Variants in PRKAR1B observed in about 807,000 individuals in gnomAD.
PRKAR1B encodes the protein protein kinase cAMP-dependent type I regulatory subunit beta.
Under a neutral mutation model 46.5 loss-of-function variants are expected in PRKAR1B, and 22 were observed. The observed-to-expected ratio is 0.47, with a 90% CI of 0.34 to 0.68. The LOEUF is 0.68. Among genes scored for constraint, PRKAR1B ranks in the 30% least tolerant of loss-of-function variants. PRKAR1B has a pLI of 0.01. For missense variants in PRKAR1B, 445 were observed against 535.6 expected (o/e 0.83, Z 1.67); for synonymous variants, 259 against 217.7 (o/e 1.19, Z -1.67).
chr7:630,586 G>T (rs940160356), intron 4 of PRKAR1B, among the ~76,000 whole-genome samples: 4 of 152,228 alleles, frequency 2.6e-5, no homozygotes, highest in Admixed American at 6.5e-5. Context: ...TCTAAGTGAA[G>T]AGACATAGCT....
At chr7:643,458 C>T (rs1025896260) in intron 4 of PRKAR1B, among the ~76,000 whole-genome samples, 1 of 151,574 alleles carries the variant, frequency 6.6e-6, no homozygotes, top group African/African-American at 2.4e-5. Context: ...CACAGTGGCT[C>T]ATGCCTGTAA....
At chr7:660,614 C>T (rs1785466957) in intron 4 of PRKAR1B, among the ~76,000 whole-genome samples, 1 of 109,362 alleles carries the variant, frequency 9.1e-6, no homozygotes, top group Non-Finnish European at 1.8e-5. Flanking sequence ...ATTACCTACT[C>T]TCCCCCCCAT....
Position 607,377 on chromosome 7 carries a change from C to T in PRKAR1B, c.502+14G>A, listed in dbSNP as rs368437414. ...CCCTCTGGACTTTGGCTCCGAGGAGCAGGCAGAACGTACCTTGCTGTATAA... is the reference window on the plus strand; with the variant it reads ...CCCTCTGGACTTTGGCTCCGAGGAGTAGGCAGAACGTACCTTGCTGTATAA... On this transcript the variant is annotated intron_variant, in intron 5 of 10. Transcript: ENST00000537384. The T allele has an allele frequency of 6.2e-7, 1 of 1,611,060 alleles. No individual in the cohort carries two copies. Among genetic ancestry groups the T allele is most frequent in the Middle Eastern group, 1.7e-4 (1 of 6,014 alleles).
At position 688,763 on chromosome 7, in the gene PRKAR1B, T is replaced by C. The variant is rs527343293; in HGVS notation, c.178-8037A>G. On this transcript the variant is annotated intron_variant, in intron 2 of 10. Coordinates refer to ENST00000537384, the MANE Select transcript of PRKAR1B (RefSeq NM_001164760.2). The stretch of plus-strand genomic sequence containing the variant: ...TGCGGTCCTCTCAGCAGTTACGTAT[T>C]GCTGTGAGCAGCAATCTCACAGTTA... Among the ~76,000 whole-genome samples, 32 of 152,290 alleles carry C rather than the reference T, an allele frequency of 2.1e-4. No individual in the cohort carries two copies. The East Asian group carries it at 5.6e-3, about 27-fold the overall frequency.
At chr7:605,226 C>T (rs1483742044) in intron 6 of PRKAR1B, among the ~76,000 whole-genome samples, 1 of 152,248 alleles carries the variant, frequency 6.6e-6, no homozygotes, top group Admixed American at 6.5e-5. Flanking sequence ...GATGATGTCA[C>T]TGAGGTCCTT....
intron 5 of PRKAR1B, 135 bp downstream of exon 5, chr7:607,248 AGGTGATCT>A (rs1782141738): frequency 3.1e-6 from 2 of 653,952 alleles, no homozygotes; most frequent in Non-Finnish European, 5.1e-6. Context: ...CCCTGACCTC[AGGTGATCT>A]GCCCACCTCA....
intron 4 of PRKAR1B, among the ~76,000 whole-genome samples, chr7:661,477 A>C (rs13233618): frequency 0.024 from 865 of 35,874 alleles, no homozygotes; most frequent in South Asian, 0.055. Flanking sequence ...GTTCCCCACC[A>C]CAACGGGTCC....
At chr7:627,031 C>T (rs957620842) in intron 4 of PRKAR1B, among the ~76,000 whole-genome samples, 18 of 152,174 alleles carry the variant, frequency 1.2e-4, no homozygotes, top group African/African-American at 3.1e-4. Flanking sequence ...CCCGCCACCA[C>T]GCCCAACTAC....
chr7:564,179 G>A lies in PRKAR1B; in HGVS notation c.892-12709C>T, dbSNP rs28392856. Among the ~76,000 whole-genome samples, 2,103 of 152,060 alleles carry A rather than the reference G, an allele frequency of 0.014. 75 individuals are homozygous for A. In the East Asian group the frequency reaches 0.16, roughly 11 times the overall value. ...GGCCCTCAGCCCAGTGGGCCCCTCC[G>A]GGTCCAGCCAGAGCTGTGGCTCCTG... On this transcript the variant is annotated intron_variant, in intron 9 of 10. Coordinates refer to ENST00000537384, the MANE Select transcript of PRKAR1B (RefSeq NM_001164760.2).
At chr7:648,319 A>G (rs1784726064) in intron 4 of PRKAR1B, among the ~76,000 whole-genome samples, 1 of 151,978 alleles carries the variant, frequency 6.6e-6, no homozygotes, top group African/African-American at 2.4e-5. Flanking sequence ...CCAATGAAAT[A>G]TAAACCCATA....
Position 717,573 on chromosome 7 carries a change from A to T in PRKAR1B, c.-22-6046T>A, listed in dbSNP as rs115563523. ...TTCAGGAGGCTAAGGTGGCAGGATC[A>T]CCTGAACACAAGAGTTCGAGGCTGC... On this transcript the variant is annotated intron_variant, in intron 1 of 10. Coordinates refer to ENST00000537384, the MANE Select transcript of PRKAR1B (RefSeq NM_001164760.2). Among the ~76,000 whole-genome samples, 1,204 of 152,052 alleles carry T rather than the reference A, an allele frequency of 7.9e-3. 17 individuals carry two copies. Among genetic ancestry groups the T allele is most frequent in the African/African-American group, 0.028 (1,145 of 41,470 alleles).
intron 6 of PRKAR1B, among the ~76,000 whole-genome samples, chr7:605,507 G>A (rs28579754): frequency 6.6e-6 from 1 of 152,190 alleles, no homozygotes; most frequent in Admixed American, 6.5e-5. Flanking sequence ...GTCATGTGCC[G>A]TGTGTATGTG....
intron 1 of PRKAR1B, among the ~76,000 whole-genome samples, chr7:715,371 G>A (rs1780835371): frequency 2.0e-5 from 3 of 152,136 alleles, no homozygotes; most frequent in Admixed American, 2.0e-4. Flanking sequence ...TGAGCTCAGA[G>A]GAGCTGCGCT....
chr7:701,059 G>C (rs953142744), intron 2 of PRKAR1B, among the ~76,000 whole-genome samples: 5 of 151,936 alleles, frequency 3.3e-5, no homozygotes, highest in African/African-American at 9.7e-5. Flanking sequence ...ATGGTGGTGC[G>C]CATCTGCAAT....
intron 2 of PRKAR1B, among the ~76,000 whole-genome samples, chr7:709,602 C>T (rs996955341): frequency 2.0e-5 from 3 of 152,088 alleles, no homozygotes; most frequent in Non-Finnish European, 2.9e-5. Context: ...GATCTCCTGA[C>T]CTCGTGATCT....
chr7:663,737 GAC>G (rs1785747694), intron 4 of PRKAR1B, among the ~76,000 whole-genome samples: 1 of 152,114 alleles, frequency 6.6e-6, no homozygotes, highest in Non-Finnish European at 1.5e-5. Context: ...GGAACTTGGG[GAC>G]AGTGTTACCA....
chr7:565,332 T>G (rs1779062472), intron 9 of PRKAR1B: 1 of 152,134 alleles, frequency 6.6e-6, no homozygotes, highest in African/African-American at 2.4e-5. Context: ...AAGCAATATG[T>G]CCCTCGGATC....
upstream of PRKAR1B, among the ~76,000 whole-genome samples, chr7:728,187 C>G (rs1781428378): frequency 6.6e-6 from 1 of 152,134 alleles, no homozygotes; most frequent in South Asian, 2.1e-4. Context: ...AGGGTCTTGC[C>G]CTTTCCCTCC....
chr7:632,834 CG>C (rs1783832755), intron 4 of PRKAR1B, among the ~76,000 whole-genome samples: 1 of 115,638 alleles, frequency 8.6e-6, no homozygotes, highest in African/African-American at 3.2e-5. Flanking sequence ...TGGGACTCTA[CG>C]GGGCTGTGTG....
Sources: gnomAD v4.1 joint callset for allele counts (sites outside exome capture counted in the v4.1 genomes callset) on GRCh38, gnomAD v4.1.1 for gene constraint, MANE v1.5 for transcripts, NCBI Gene and HGNC (gene_info 2026-07-23, HGNC 2026-07-21) for gene names.